The following NSA2 variants were observed in gnomAD, a reference collection of about 807,000 sequenced individuals.
The protein encoded by NSA2 is NSA2 ribosome biogenesis factor, also known as ribosome biogenesis protein NSA2 homolog.
NSA2 carries 18 observed loss-of-function variants against 34.8 expected under a neutral mutation model. The observed-to-expected ratio is 0.52, with a 90% CI of 0.36 to 0.77. The LOEUF is 0.77. Ranked by LOEUF, NSA2 falls within the 30% of genes least tolerant of loss-of-function variation. NSA2 has a pLI of 0.00. For synonymous variants in NSA2, 79 were observed against 100.2 expected, an observed-to-expected ratio of 0.79 and a Z score of 1.26; for missense variants, 188 against 314.7, an observed-to-expected ratio of 0.60 and a Z score of 3.05.
rs1002176320 is a variant in NSA2, at chr5:74,776,688, A to T, written c.*17A>T. The T allele has an allele frequency of 9.0e-6, 12 of 1,332,560 alleles. No individual in the cohort carries two copies. In the Admixed American group the frequency reaches 1.5e-4, roughly 17 times the overall value. 82.5% of individuals were successfully genotyped at this position (1,332,560 alleles called of 1,614,324 possible). ...CTGGTTTGACAGCAATTTCATATAT[A>T]ATTATTGAGGACTACACACCAATTG... On this transcript the variant is annotated 3_prime_UTR_variant, in exon 6 of 6. Transcript: ENST00000610426.
intron 4 of NSA2, among the ~76,000 whole-genome samples, chr5:74,773,012 C>T (rs1185063501): frequency 1.3e-5 from 2 of 152,124 alleles, no homozygotes; most frequent in Admixed American, 6.5e-5. Context: ...TGCCATCAAC[C>T]TAAAGAAAGC....
At chr5:74,769,977 G>A (rs994157077) in intron 3 of NSA2, among the ~76,000 whole-genome samples, 6 of 152,094 alleles carry the variant, frequency 3.9e-5, no homozygotes, top group African/African-American at 1.2e-4. Flanking sequence ...ATATTAAGAG[G>A]TGGAAACACT....
At chr5:74,772,601 C>T (rs1289961753) in intron 4 of NSA2, among the ~76,000 whole-genome samples, 1 of 152,140 alleles carries the variant, frequency 6.6e-6, no homozygotes, top group African/African-American at 2.4e-5. Flanking sequence ...CTATTGGGTT[C>T]TTTACACAAA....
At chr5:74,771,588 C>T (rs931117060) in intron 4 of NSA2, 1 of 152,114 alleles carries the variant, frequency 6.6e-6, no homozygotes, top group African/African-American at 2.4e-5. Flanking sequence ...TGGCTCACGC[C>T]TGTAATCCCA....
At chr5:74,771,632 G>C (rs1476455529) in intron 4 of NSA2, 1 of 151,988 alleles carries the variant, frequency 6.6e-6, no homozygotes, top group African/African-American at 2.4e-5. Flanking sequence ...CAGATCACGA[G>C]GTCAGGTGAT....
intron 1 of NSA2, among the ~76,000 whole-genome samples, chr5:74,767,638 A>T (rs1367645654): frequency 6.6e-6 from 1 of 152,112 alleles, no homozygotes; most frequent in East Asian, 1.9e-4. Context: ...GAGTCCTAAA[A>T]ATTCCTGATT....
At chr5:74,767,528 A>G (rs1430877007) in intron 1 of NSA2, among the ~76,000 whole-genome samples, 165 bp downstream of exon 1, 2 of 152,192 alleles carry the variant, frequency 1.3e-5, no homozygotes, top group African/African-American at 2.4e-5. Context: ...AGTGGAAACA[A>G]CTTCACATTC....
Position 74,769,314 on chromosome 5 carries a change from C to T in NSA2, c.292C>T (p.Arg98Ter). ...AYLLDREGQS[R>*]AKVLSNMIKQ... is the part of the protein sequence containing the mutation. The stretch of plus-strand genomic sequence containing the variant: ...TCTGCTGGACAGAGAGGGACAATCT[C>T]GAGCTAAAGTACTTTCCAATATGAT... Residue 98 changes from arginine (R) to a stop codon, truncating the protein, a stop_gained, in exon 3 of 6, where the codon CGA becomes TGA. Transcript: ENST00000610426. LOFTEE classifies it high-confidence loss of function. 5 of 1,613,140 alleles carry T rather than the reference C, an allele frequency of 3.1e-6. No homozygotes were observed. The highest frequency in any genetic ancestry group is 1.1e-5 in the South Asian group (1 of 90,878).
chr5:74,770,838 G>A (rs762000453), intron 4 of NSA2, 28 bp downstream of exon 4: 42 of 1,453,616 alleles, frequency 2.9e-5, no homozygotes, highest in Admixed American at 9.7e-5. Flanking sequence ...TGTAATGACC[G>A]AAATGTTAGT....
In NSA2 at chr5:74,778,038, G is replaced by C. The variant is rs1211474773; in HGVS notation, c.*1367G>C. 2 of 152,018 alleles carry C rather than the reference G, an allele frequency of 1.3e-5. No individual in the cohort carries two copies. The highest frequency in any genetic ancestry group is 4.8e-5 in the African/African-American group (2 of 41,428). 9.4% of individuals were successfully genotyped at this position (152,018 alleles called of 1,614,324 possible). On this transcript the variant is annotated 3_prime_UTR_variant, in exon 6 of 6. Transcript: ENST00000610426. ...TACCACTAATATAAATGGGTGATGT[G>C]TGGATCACAAGTTCTAGAAGGCGAA...
chr5:74,774,060 G>T lies in NSA2; in HGVS notation c.715G>T (p.Gly239Ter). 1 of 1,610,434 alleles carries T rather than the reference G, an allele frequency of 6.2e-7. No homozygotes were observed. The highest frequency in any genetic ancestry group is 8.5e-7 in the Non-Finnish European group (1 of 1,177,314). Reference protein sequence around the residue: ...LVTQGGKVIWGKYAQVTNNPE... With the variant: ...LVTQGGKVIW ...GACACAAGGAGGCAAAGTTATTTGG[G>T]GTAAGTGAATTTTTGAATACAGGGC... The change falls in exon 5 of 6, where the codon GGA becomes TGA. Residue 239 changes from glycine (G) to a stop codon, truncating the protein, a stop_gained and splice_region_variant. Coordinates refer to ENST00000610426, the MANE Select transcript of NSA2 (RefSeq NM_014886.6). LOFTEE classifies it high-confidence loss of function.
intron 5 of NSA2, among the ~76,000 whole-genome samples, chr5:74,776,269 G>A (rs890580733): frequency 4.6e-5 from 7 of 152,202 alleles, no homozygotes; most frequent in African/African-American, 1.7e-4. Flanking sequence ...GGAGGCCAAG[G>A]CAGGCGGATC....
Position 74,770,702 on chromosome 5 carries a change from A to C in NSA2, c.414A>C (p.Thr138=), listed in dbSNP as rs1364723594. The change falls in exon 4 of 6, where the codon ACA becomes ACC. Residue 138 remains threonine, a synonymous_variant. Transcript: ENST00000610426. ...GETEVLKVIR[T]GKRKKKAWKR... ...CAGAAGTATTAAAAGTTATTCGAAC[A>C]GGAAAGAGAAAGAAGAAGGCATGGA... 1 of 1,613,428 alleles carries C rather than the reference A, an allele frequency of 6.2e-7. No individual in the cohort carries two copies. Among genetic ancestry groups the C allele is most frequent in the Non-Finnish European group, 8.5e-7 (1 of 1,179,508 alleles).
intron 5 of NSA2, among the ~76,000 whole-genome samples, chr5:74,776,361 C>T (rs1745120834): frequency 6.6e-6 from 1 of 152,072 alleles, no homozygotes; most frequent in Admixed American, 6.6e-5. Context: ...AAAAAATTAG[C>T]CAGGCAGTGG....
chr5:74,773,669 G>A (rs1261115603), intron 4 of NSA2, among the ~76,000 whole-genome samples, 199 bp from the exon 5 acceptor site: 1 of 152,074 alleles, frequency 6.6e-6, no homozygotes, highest in African/African-American at 2.4e-5. Flanking sequence ...AAGTATTTGT[G>A]TGGGTGTTTT....
chr5:74,769,493 A>C, intron 3 of NSA2, 129 bp downstream of exon 3: 1 of 692,836 alleles, frequency 1.4e-6, no homozygotes, highest in Non-Finnish European at 2.2e-6. Context: ...TAGATGTTGA[A>C]GTCTTTGTAA....
Position 74,775,989 on chromosome 5 carries a change from G to A in NSA2, c.716-615G>A, listed in dbSNP as rs549255999. On this transcript the variant is annotated intron_variant, in intron 5 of 5. Transcript: ENST00000610426. ...ATTTGAAACTTGATACATTTTCCAG[G>A]AAGAATTATGTGAAAAAGTGACAAT... is the stretch of plus-strand genomic sequence containing the variant. Among the ~76,000 whole-genome samples, 4 of 152,198 alleles carry A rather than the reference G, an allele frequency of 2.6e-5. No homozygotes were observed. The South Asian group carries it at 6.2e-4, about 24-fold the overall frequency.
chr5:74,776,448 G>A (rs1429991487), intron 5 of NSA2, among the ~76,000 whole-genome samples, 156 bp from the exon 6 acceptor site: 7 of 152,118 alleles, frequency 4.6e-5, no homozygotes, highest in African/African-American at 1.7e-4. Flanking sequence ...AGGTTGCAGT[G>A]AGCCAGATCA....
At chr5:74,775,545 G>A (rs2112425852) in intron 5 of NSA2, among the ~76,000 whole-genome samples, 1 of 152,174 alleles carries the variant, frequency 6.6e-6, no homozygotes, top group African/African-American at 2.4e-5. Flanking sequence ...TGAACCTGGA[G>A]CTTGCAGTGA....
Sources: allele counts gnomAD v4.1 joint callset (sites outside exome capture counted in the v4.1 genomes callset), GRCh38; gene constraint gnomAD v4.1.1; transcripts MANE v1.5; gene names NCBI Gene and HGNC (gene_info 2026-07-23, HGNC 2026-07-21).